RHPN2: variants seen among roughly 807,000 people sequenced by gnomAD.
RHPN2 encodes the protein rhophilin Rho GTPase binding protein 2.
RHPN2 carries 40 observed loss-of-function variants against 79.0 expected under a neutral mutation model. The observed-to-expected ratio is 0.51, with a 90% confidence interval of 0.39 to 0.66. RHPN2 has a LOEUF of 0.66. Ranked by LOEUF, RHPN2 falls within the 30% of genes least tolerant of loss-of-function variation. The pLI, the probability that RHPN2 is intolerant of heterozygous loss-of-function variation, is 0.00. For synonymous variants in RHPN2, 285 were observed against 363.5 expected (o/e 0.78, Z 2.46); for missense variants, 686 against 883.5 (o/e 0.78, Z 2.83).
At chr19:33,059,101 A>AT (rs1417077125) in intron 1 of RHPN2, among the ~76,000 whole-genome samples, 5 of 151,674 alleles carry the variant, frequency 3.3e-5, no homozygotes, top group African/African-American at 1.2e-4. Context: ...TCTCAAAAAA[A>AT]AATAATAATA....
At chr19:33,021,955 T>TA (rs1239137890) in intron 3 of RHPN2, among the ~76,000 whole-genome samples, 1 of 152,056 alleles carries the variant, frequency 6.6e-6, no homozygotes, top group African/African-American at 2.4e-5. Flanking sequence ...TTATTATTAT[T>TA]TTTTTTAGAG....
At chr19:32,989,521 T>A (rs569742614) in intron 14 of RHPN2, among the ~76,000 whole-genome samples, 1 of 152,254 alleles carries the variant, frequency 6.6e-6, no homozygotes, top group African/African-American at 2.4e-5. Flanking sequence ...ACAGAGGGAT[T>A]GTCTTAACTT....
rs576987492 is a variant in RHPN2, at chr19:32,985,411, G to A, written c.1800+5103C>T. ...CGGCACTTTGGGAGGCAAGGTAGGC[G>A]GATTGCTTGAGCTTAGAAGTTAGAG... On this transcript the variant is annotated intron_variant, in intron 14 of 14. Coordinates refer to ENST00000254260, the MANE Select transcript of RHPN2 (RefSeq NM_033103.5). 2.0e-5 allele frequency among the ~76,000 whole-genome samples: 3 copies of A among 152,244 alleles called. No homozygotes were observed. In the South Asian group the frequency reaches 6.2e-4, roughly 32 times the overall value.
chr19:33,059,204 C>G (rs936100799), intron 1 of RHPN2, among the ~76,000 whole-genome samples: 5 of 152,092 alleles, frequency 3.3e-5, no homozygotes, highest in Non-Finnish European at 5.9e-5. Flanking sequence ...ATCTTCACCC[C>G]CCGCCTCGAC....
At chr19:33,001,130 C>G (rs1971745965) in intron 9 of RHPN2, among the ~76,000 whole-genome samples, 2 of 152,118 alleles carry the variant, frequency 1.3e-5, no homozygotes, top group South Asian at 4.1e-4. Context: ...GTAACTTGCC[C>G]AAGGTAAAAC....
At position 32,999,480 on chromosome 19, in the gene RHPN2, A is replaced by AC. The variant is rs1971730909; in HGVS notation, c.1225+105dup. ...CAAAGTGGCCACGATGACTCGGAAC[A>AC]CCCCCCTCTCCCGGGCCCTCTTCAG... On this transcript the variant is annotated intron_variant, in intron 10 of 14. Transcript: ENST00000254260. 70 of 1,421,890 alleles carry AC rather than the reference A, an allele frequency of 4.9e-5. 1 individual carries two copies. The South Asian group carries it at 8.2e-4, about 17-fold the overall frequency. The allele number at this position is 1,421,890 out of a possible 1,614,324, so 88.1% of individuals were successfully genotyped here. A position where few individuals can be genotyped will look rare whatever the true frequency, so the allele number is the denominator to read the frequency against.
chr19:32,988,179 C>T (rs1480185071), intron 14 of RHPN2, among the ~76,000 whole-genome samples: 1 of 150,758 alleles, frequency 6.6e-6, no homozygotes, highest in Non-Finnish European at 1.5e-5. Flanking sequence ...AGCCAAGCAA[C>T]AGAGTGAGAC....
intron 12 of RHPN2, among the ~76,000 whole-genome samples, chr19:32,993,304 G>A (rs553726452): frequency 1.8e-4 from 27 of 151,804 alleles, no homozygotes; most frequent in African/African-American, 5.8e-4. Context: ...GTGAAACCCC[G>A]TCTCTACTAA....
chr19:32,991,013 TA>T (rs1212027711), intron 13 of RHPN2, among the ~76,000 whole-genome samples: 7,048 of 109,048 alleles, frequency 0.065, 409 homozygotes, highest in African/African-American at 0.19. Context: ...TGGGTGCAAT[TA>T]AAAAAAAAAA....
rs374371560 is a variant in RHPN2, at chr19:33,026,527, C to T, written c.291G>A (p.Ser97=). The change falls in exon 3 of 15, where the codon TCG becomes TCA. Residue 97 remains serine, a synonymous_variant. Coordinates refer to ENST00000254260, the MANE Select transcript of RHPN2 (RefSeq NM_033103.5). ...LKEELEGLNI[S]VGVYQNTEEA... ...ACTCTGTGTTCTGATAGACGCCCAC[C>T]GAGATGTTCAGCCCCTCCAGCTCTT... is the stretch of plus-strand genomic sequence containing the variant. 68 of 1,608,250 alleles carry T rather than the reference C, an allele frequency of 4.2e-5. No homozygotes were observed. The highest frequency in any genetic ancestry group is 1.6e-4 in the Middle Eastern group (1 of 6,074).
intron 14 of RHPN2, among the ~76,000 whole-genome samples, chr19:32,988,576 C>T (rs1299437445): frequency 1.4e-5 from 2 of 146,810 alleles, no homozygotes; most frequent in African/African-American, 2.5e-5. Flanking sequence ...CCACCATTGC[C>T]GCCAAGGCCT....
intron 12 of RHPN2, among the ~76,000 whole-genome samples, chr19:32,992,839 A>C (rs1160931048): frequency 1.3e-5 from 2 of 151,592 alleles, no homozygotes; most frequent in Non-Finnish European, 2.9e-5. Context: ...AAAGGAAAAA[A>C]ATCTCAGGCC....
intron 1 of RHPN2, among the ~76,000 whole-genome samples, chr19:33,049,662 C>T (rs1392459155): frequency 6.6e-6 from 1 of 152,160 alleles, no homozygotes; most frequent in Non-Finnish European, 1.5e-5. Context: ...ACAGCCAACA[C>T]CCAAGAAAAG....
intron 11 of RHPN2, among the ~76,000 whole-genome samples, chr19:32,995,690 C>G (rs1189598002): frequency 1.3e-5 from 2 of 152,074 alleles, no homozygotes; most frequent in African/African-American, 4.8e-5. Context: ...GAAACCCCAT[C>G]TCTACTAAAA....
intron 1 of RHPN2, among the ~76,000 whole-genome samples, chr19:33,053,393 G>A (rs1169853310): frequency 3.3e-5 from 5 of 150,880 alleles, no homozygotes; most frequent in Non-Finnish European, 7.4e-5. Context: ...TCAACTGGTA[G>A]GACACACTCA....
At chr19:33,027,027 C>T (rs1425485782) in intron 2 of RHPN2, 5 of 321,558 alleles carry the variant, frequency 1.6e-5, no homozygotes, top group African/African-American at 4.3e-5. Context: ...GAGGCCGAGG[C>T]AGGTGGATCA....
intron 14 of RHPN2, among the ~76,000 whole-genome samples, chr19:32,988,187 G>A (rs1229777705): frequency 6.7e-6 from 1 of 150,242 alleles, no homozygotes; most frequent in Non-Finnish European, 1.5e-5. Context: ...AACAGAGTGA[G>A]ACCCTGTCTC....
chr19:33,043,107 T>C lies in RHPN2; in HGVS notation c.185+1142A>G, dbSNP rs997898626. Reference sequence around the variant, plus strand: ...AAAAAAAAAAATTAGTCGGGCATGGTGGTGCATGCCTGTGGTCCCAGCTAC... The same window carrying C: ...AAAAAAAAAAATTAGTCGGGCATGGCGGTGCATGCCTGTGGTCCCAGCTAC... On this transcript the variant is annotated intron_variant, in intron 2 of 14. Transcript: ENST00000254260. Among the ~76,000 whole-genome samples the C allele has an allele frequency of 2.7e-5, 4 of 148,232 alleles. No homozygotes were observed. In the East Asian group the frequency reaches 8.0e-4, roughly 30 times the overall value.
intron 2 of RHPN2, among the ~76,000 whole-genome samples, chr19:33,027,961 C>A (rs1197615568): frequency 6.6e-6 from 1 of 152,114 alleles, no homozygotes; most frequent in Non-Finnish European, 1.5e-5. Context: ...AAGATGCCCA[C>A]TTTTGCTATT....
Sources: allele counts gnomAD v4.1 joint callset (sites outside exome capture counted in the v4.1 genomes callset), GRCh38; gene constraint gnomAD v4.1.1; transcripts MANE v1.5; gene names NCBI Gene and HGNC (gene_info 2026-07-23, HGNC 2026-07-21).